The following TRPM3 variants were observed in gnomAD, a reference collection of about 807,000 sequenced individuals.
The protein encoded by TRPM3 is long transient receptor potential channel 3.
In TRPM3, 77 loss-of-function variants were observed where a neutral mutation model predicts 181.2. The ratio of observed to expected loss-of-function variants is 0.42; its 90% CI spans 0.35 to 0.51. The LOEUF is 0.51. TRPM3 is among the 20% of genes least tolerant of loss of function. The pLI is 0.01. For synonymous variants in TRPM3, 745 were observed against 796.4 expected (o/e 0.94, Z 1.09); for missense variants, 1,759 against 2,196.7 (o/e 0.80, Z 3.98).
intron 9 of TRPM3, among the ~76,000 whole-genome samples, chr9:70,650,808 C>T (rs970662297): frequency 6.6e-6 from 1 of 152,120 alleles, no homozygotes; most frequent in Non-Finnish European, 1.5e-5. Flanking sequence ...TGTGATGATT[C>T]CCCCGCTTCA....
At chr9:70,796,209 G>T (rs1247530692) in intron 6 of TRPM3, among the ~76,000 whole-genome samples, 1 of 152,098 alleles carries the variant, frequency 6.6e-6, no homozygotes, top group Non-Finnish European at 1.5e-5. Flanking sequence ...AAGTTCCTTG[G>T]CTTCTTGACA....
intron 1 of TRPM3, among the ~76,000 whole-genome samples, chr9:70,907,845 A>G (rs982389111): frequency 5.3e-5 from 8 of 152,226 alleles, no homozygotes; most frequent in African/African-American, 1.9e-4. Flanking sequence ...TTAGGATAAT[A>G]GCCTCCAGCT....
intron 1 of TRPM3, among the ~76,000 whole-genome samples, chr9:71,053,656 C>T (rs936745601): frequency 6.6e-6 from 1 of 152,112 alleles, no homozygotes; most frequent in Non-Finnish European, 1.5e-5. Flanking sequence ...TGTAAAATGT[C>T]TAAGGGTCTA....
intron 1 of TRPM3, among the ~76,000 whole-genome samples, chr9:71,433,181 C>A (rs1175512347): frequency 6.6e-6 from 1 of 152,128 alleles, no homozygotes; most frequent in East Asian, 1.9e-4. Context: ...AATTTCTAAG[C>A]CTTCATCTCT....
At chr9:70,952,398 T>C (rs1285821697) in intron 1 of TRPM3, among the ~76,000 whole-genome samples, 2 of 152,180 alleles carry the variant, frequency 1.3e-5, no homozygotes, top group Non-Finnish European at 2.9e-5. Context: ...TTGTTCATAT[T>C]ACATAAGCAG....
intron 1 of TRPM3, among the ~76,000 whole-genome samples, chr9:71,433,037 A>C (rs2093981348): frequency 6.6e-6 from 1 of 152,234 alleles, no homozygotes; most frequent in Non-Finnish European, 1.5e-5. Context: ...AAAAGCGTCT[A>C]AGAGTGAAGA....
intron 1 of TRPM3, among the ~76,000 whole-genome samples, chr9:71,068,500 C>T (rs960615702): frequency 1.3e-5 from 2 of 152,138 alleles, no homozygotes; most frequent in African/African-American, 2.4e-5. Context: ...AACTACCAAA[C>T]ATGATGTCCT....
chr9:70,781,490 T>C (rs939940580), intron 7 of TRPM3, among the ~76,000 whole-genome samples: 6 of 152,000 alleles, frequency 3.9e-5, no homozygotes, highest in Non-Finnish European at 7.4e-5. Flanking sequence ...TTTGATTTCT[T>C]TGGAATACCA....
intron 22 of TRPM3, 96 bp downstream of exon 22, chr9:70,590,935 C>A: frequency 6.5e-7 from 1 of 1,533,528 alleles, no homozygotes; most frequent in Non-Finnish European, 9.0e-7. Context: ...TATCTTGAGC[C>A]ATTTATTGAG....
At chr9:71,214,628 T>C (rs2079729391) in intron 1 of TRPM3, among the ~76,000 whole-genome samples, 1 of 152,272 alleles carries the variant, frequency 6.6e-6, no homozygotes, top group African/African-American at 2.4e-5. Flanking sequence ...CTTTGACGGC[T>C]CCTGAGTACT....
chr9:71,309,429 T>C (rs2087708123), intron 1 of TRPM3, among the ~76,000 whole-genome samples: 1 of 152,162 alleles, frequency 6.6e-6, no homozygotes, highest in Admixed American at 6.6e-5. Context: ...AATGGACATA[T>C]CTCAATATAG....
At chr9:70,645,498 C>T (rs1446520814) in intron 9 of TRPM3, among the ~76,000 whole-genome samples, 1 of 152,148 alleles carries the variant, frequency 6.6e-6, no homozygotes, top group Non-Finnish European at 1.5e-5. Flanking sequence ...GAAAAACTGG[C>T]TAGCCATATG....
In TRPM3 at chr9:71,389,382, T is replaced by C. The variant is rs552543788; in HGVS notation, c.183+57271A>G. ...TCAGGGAACACTTCTACACTGCTGG[T>C]GAAAATGTAAACTAGTACAGCCACT... On this transcript the variant is annotated intron_variant, in intron 1 of 24. Transcript: ENST00000357533. Among the ~76,000 whole-genome samples the C allele has an allele frequency of 2.0e-4, 30 of 151,868 alleles. No individual in the cohort carries two copies. The East Asian group carries it at 2.1e-3, about 11-fold the overall frequency.
intron 22 of TRPM3, among the ~76,000 whole-genome samples, chr9:70,557,993 T>C (rs1007012967): frequency 4.6e-5 from 7 of 152,194 alleles, no homozygotes; most frequent in African/African-American, 1.7e-4. Flanking sequence ...TGAACTTCAA[T>C]GCCAAATCTA....
intron 1 of TRPM3, among the ~76,000 whole-genome samples, chr9:70,898,866 C>T (rs978519511): frequency 6.6e-6 from 1 of 151,806 alleles, no homozygotes. Flanking sequence ...GCTGATAAAA[C>T]GTGGGCTGAA....
At chr9:70,596,712 CA>C (rs33932883) in intron 21 of TRPM3, among the ~76,000 whole-genome samples, 79,917 of 132,000 alleles carry the variant, frequency 0.61, 22,930 homozygotes, top group African/African-American at 0.72. Context: ...AAAACACTGT[CA>C]AAAAAAAAAA....
At chr9:70,813,237 T>C (rs994433221) in intron 6 of TRPM3, among the ~76,000 whole-genome samples, 4 of 152,130 alleles carry the variant, frequency 2.6e-5, no homozygotes, top group African/African-American at 9.7e-5. Flanking sequence ...CTATTCACAA[T>C]AGCAAAGACA....
At chr9:71,037,998 T>C (rs917424340) in intron 1 of TRPM3, among the ~76,000 whole-genome samples, 4 of 152,230 alleles carry the variant, frequency 2.6e-5, no homozygotes, top group Non-Finnish European at 5.9e-5. Flanking sequence ...CAAAACACAG[T>C]AGTGCTTACT....
At chr9:70,753,085 C>T (rs553279674) in intron 8 of TRPM3, among the ~76,000 whole-genome samples, 8 of 151,826 alleles carry the variant, frequency 5.3e-5, no homozygotes, top group South Asian at 4.2e-4. Context: ...CCATCCTGGG[C>T]GACAGAGCAA....
Sources: allele counts gnomAD v4.1 joint callset (sites outside exome capture counted in the v4.1 genomes callset), GRCh38; gene constraint gnomAD v4.1.1; transcripts MANE v1.5; gene names NCBI Gene and HGNC (gene_info 2026-07-23, HGNC 2026-07-21).